RAB3GAP2: variants seen among roughly 807,000 people sequenced by gnomAD.
The protein encoded by RAB3GAP2 is rab3 GTPase-activating protein non-catalytic subunit.
RAB3GAP2 carries 87 observed loss-of-function variants against 185.3 expected under a neutral mutation model. The observed-to-expected ratio is 0.47, with a 90% CI of 0.39 to 0.56. The LOEUF (loss-of-function observed/expected upper bound fraction) is 0.56. Ranked by LOEUF, RAB3GAP2 falls within the 20% of genes least tolerant of loss-of-function variation. The probability of loss-of-function intolerance (pLI) is 0.00; values close to 1 mark genes in which losing one functional copy is unlikely to be tolerated. For synonymous variants in RAB3GAP2, 554 were observed against 576.1 expected, an observed-to-expected ratio of 0.96 and a Z score of 0.55; for missense variants, 1,492 against 1,638.2, an observed-to-expected ratio of 0.91 and a Z score of 1.54.
At position 220,211,022 on chromosome 1, in the gene RAB3GAP2, C is replaced by A. The variant is rs372197371; in HGVS notation, c.387-20G>T. 2 of 1,609,096 alleles carry A rather than the reference C, an allele frequency of 1.2e-6. No homozygotes were observed. Among genetic ancestry groups the A allele is most frequent in the South Asian group, 2.2e-5 (2 of 90,782 alleles). ...CATTCCCTAAAAACAAAAACAAAAT[C>A]ATATGCTTACCCACTGAACTTACCA... On this transcript the variant is annotated intron_variant, in intron 4 of 34. Coordinates refer to ENST00000358951, the MANE Select transcript of RAB3GAP2 (RefSeq NM_012414.4).
chr1:220,230,040 A>G (rs1405494400), intron 2 of RAB3GAP2, among the ~76,000 whole-genome samples: 1 of 152,208 alleles, frequency 6.6e-6, no homozygotes, highest in East Asian at 1.9e-4. Context: ...TAGAATCATG[A>G]AGAATCTCCA....
At chr1:220,259,167 T>C (rs1205246909) in intron 1 of RAB3GAP2, among the ~76,000 whole-genome samples, 3 of 152,190 alleles carry the variant, frequency 2.0e-5, no homozygotes, top group Non-Finnish European at 4.4e-5. Flanking sequence ...AAGTAATTTA[T>C]GGATTCAATG....
At chr1:220,180,902 A>G (rs963573992) in intron 21 of RAB3GAP2, among the ~76,000 whole-genome samples, 4 of 152,122 alleles carry the variant, frequency 2.6e-5, no homozygotes, top group African/African-American at 9.7e-5. Context: ...CATGCATTCC[A>G]CATCTGTGGA....
intron 1 of RAB3GAP2, among the ~76,000 whole-genome samples, chr1:220,270,879 C>T (rs1660320812): frequency 6.6e-6 from 1 of 152,232 alleles, no homozygotes; most frequent in Admixed American, 6.5e-5. Context: ...CATGGTCTAG[C>T]TCCTTATTAC....
At position 220,171,920 on chromosome 1, in the gene RAB3GAP2, G is replaced by A; in HGVS notation, c.2546C>T (p.Ala849Val). 2 of 1,614,082 alleles carry A rather than the reference G, an allele frequency of 1.2e-6. No individual in the cohort carries two copies. Among genetic ancestry groups the A allele is most frequent in the East Asian group, 2.2e-5 (1 of 44,874 alleles). ...CTCTGTCATGTTGTTTGATATCTGT[G>A]CAGCAACAGAATGCCCAACATGCGC... ...LSAHVGHSVA[A>V]QISNNMTEKK... is the part of the protein sequence containing the mutation. Residue 849 changes from alanine to valine, a missense_variant, in exon 23 of 35, where the codon GCA becomes GTA. By Grantham distance (64) the Ala-to-Val change is moderately conservative (BLOSUM62 0). Transcript: ENST00000358951.
chr1:220,254,024 A>T, intron 1 of RAB3GAP2: 1 of 1,613,956 alleles, frequency 6.2e-7, no homozygotes, highest in Non-Finnish European at 8.5e-7. Flanking sequence ...ACATTCATGA[A>T]CAGAGTTGAA....
At chr1:220,183,175 C>T (rs1658444512) in intron 19 of RAB3GAP2, among the ~76,000 whole-genome samples, 1 of 151,582 alleles carries the variant, frequency 6.6e-6, no homozygotes, top group Non-Finnish European at 1.5e-5. Context: ...GAGGTAGGTA[C>T]TAAAAGAAAT....
chr1:220,156,632 T>G (rs966504494), intron 31 of RAB3GAP2, among the ~76,000 whole-genome samples: 3 of 152,282 alleles, frequency 2.0e-5, no homozygotes, highest in Admixed American at 2.0e-4. Flanking sequence ...AAGAAAGGGC[T>G]GTTGTAATAG....
At position 220,150,329 on chromosome 1, in the gene RAB3GAP2, A is replaced by AT. The variant is rs776865385; in HGVS notation, c.*921dup. The AT allele has an allele frequency of 3.9e-5, 6 of 152,404 alleles. No individual in the cohort carries two copies. The highest frequency in any genetic ancestry group is 7.2e-5 in the African/African-American group (3 of 41,406). 9.4% of individuals were successfully genotyped at this position (152,404 alleles called of 1,614,324 possible). A position where few individuals can be genotyped will look rare whatever the true frequency, so the allele number is the denominator to read the frequency against. Reference sequence around the variant, plus strand: ...GTGAGGTAGGTTTGCTAAAGCTGTAATACCACTAAGCAGTTTTTTCAATAC... The same window carrying AT: ...GTGAGGTAGGTTTGCTAAAGCTGTAATTACCACTAAGCAGTTTTTTCAATAC... On this transcript the variant is annotated 3_prime_UTR_variant, in exon 35 of 35. Coordinates refer to ENST00000358951, the MANE Select transcript of RAB3GAP2 (RefSeq NM_012414.4).
At chr1:220,171,741 C>T (rs1033160946) in intron 23 of RAB3GAP2, 148 bp downstream of exon 23, 24 of 828,300 alleles carry the variant, frequency 2.9e-5, no homozygotes, top group South Asian at 2.7e-4. Flanking sequence ...CAAGTATCCA[C>T]GGCATCATTC....
At position 220,190,033 on chromosome 1, in the gene RAB3GAP2, T is replaced by C. The variant is rs564445170; in HGVS notation, c.1714+31A>G. On this transcript the variant is annotated intron_variant, in intron 16 of 34. Transcript: ENST00000358951. ...TGATTTAAAAGATGATAGAACAATA[T>C]GCTTTATTATTTGTATGAGAGAATA... The C allele has an allele frequency of 2.5e-4, 371 of 1,478,308 alleles. 4 individuals are homozygous for C. The South Asian group carries it at 4.1e-3, about 16-fold the overall frequency. The allele number at this position is 1,478,308 out of a possible 1,614,324, so 91.6% of individuals were successfully genotyped here. A position where few individuals can be genotyped will look rare whatever the true frequency, so the allele number is the denominator to read the frequency against.
intron 26 of RAB3GAP2, among the ~76,000 whole-genome samples, chr1:220,165,526 C>T (rs1230322617): frequency 6.6e-6 from 1 of 151,908 alleles, no homozygotes; most frequent in African/African-American, 2.4e-5. Flanking sequence ...TCATCATTGC[C>T]AATACACACT....
At chr1:220,164,443 CTGTTTTTTTTTTGTTT>C (rs1450903289) in intron 27 of RAB3GAP2, among the ~76,000 whole-genome samples, 53 of 137,284 alleles carry the variant, frequency 3.9e-4, no homozygotes, top group Admixed American at 5.8e-4. Context: ...ATGGCCAGTA[CTGTTTTTTTTTTGTTT>C]TGTTTTTTGT....
chr1:220,183,105 ATAAAG>A (rs1558147522), intron 19 of RAB3GAP2, among the ~76,000 whole-genome samples, 174 bp from the exon 20 acceptor site: 1 of 152,210 alleles, frequency 6.6e-6, no homozygotes, highest in African/African-American at 2.4e-5. Context: ...AGTTATTTAA[ATAAAG>A]TAAACTATAA....
chr1:220,252,906 C>A (rs1659964725), intron 1 of RAB3GAP2, among the ~76,000 whole-genome samples: 1 of 152,180 alleles, frequency 6.6e-6, no homozygotes, highest in African/African-American at 2.4e-5. Flanking sequence ...AGCCAAGCAG[C>A]ATTGTTTTGT....
intron 1 of RAB3GAP2, chr1:220,267,733 G>C: frequency 1.3e-6 from 2 of 1,568,034 alleles, no homozygotes; most frequent in Non-Finnish European, 1.8e-6. Context: ...ACAAGCTTTT[G>C]TGCTTGCAAA....
At chr1:220,238,999 A>T (rs1659643312) in intron 1 of RAB3GAP2, among the ~76,000 whole-genome samples, 1 of 152,200 alleles carries the variant, frequency 6.6e-6, no homozygotes, top group Non-Finnish European at 1.5e-5. Flanking sequence ...ATATTTGCTA[A>T]ACGAATAGTA....
Position 220,151,384 on chromosome 1 carries a change from G to T in RAB3GAP2, c.4049C>A (p.Thr1350Asn). The T allele has an allele frequency of 6.2e-7, 1 of 1,614,186 alleles. No homozygotes were observed. The highest frequency in any genetic ancestry group is 8.5e-7 in the Non-Finnish European group (1 of 1,180,022). ...AGCTGTTGTTGCAATTGGCACTTCAGTGTTTTGAAGGTCCTGGGGGTCCTG... is the reference window on the plus strand; with the variant it reads ...AGCTGTTGTTGCAATTGGCACTTCATTGTTTTGAAGGTCCTGGGGGTCCTG... ...KAMDPQDLQN[T>N]EVPIATTAKL... The change falls in exon 35 of 35, where the codon ACT becomes AAT. Residue 1350 changes from threonine to asparagine, a missense_variant. Thr to Asn is a moderately conservative substitution (Grantham distance 65). Around this residue, in one of 5 missense-constraint regions of RAB3GAP2, gnomAD observed 387 missense variants for 455.3 expected, o/e 0.85. Coordinates refer to ENST00000358951, the MANE Select transcript of RAB3GAP2 (RefSeq NM_012414.4).
chr1:220,245,492 T>A (rs1659788947), intron 1 of RAB3GAP2, among the ~76,000 whole-genome samples: 1 of 152,144 alleles, frequency 6.6e-6, no homozygotes, highest in Non-Finnish European at 1.5e-5. Flanking sequence ...CGAGATTATA[T>A]CCCACACCTG....
Sources: gnomAD v4.1 joint callset for allele counts (sites outside exome capture counted in the v4.1 genomes callset) on GRCh38, gnomAD v4.1.1 for gene constraint, gnomAD v4.1.1 regional missense constraint, MANE v1.5 for transcripts, NCBI Gene and HGNC (gene_info 2026-07-23, HGNC 2026-07-21) for gene names.